MACROD2: variants seen among roughly 807,000 people sequenced by gnomAD.
MACROD2 encodes the protein ADP-ribose glycohydrolase MACROD2.
Under a neutral mutation model 70.4 loss-of-function variants are expected in MACROD2, and 36 were observed. The ratio of observed to expected loss-of-function variants is 0.51; its 90% confidence interval spans 0.39 to 0.68. The LOEUF (loss-of-function observed/expected upper bound fraction) is 0.68, where lower values mean the gene tolerates loss of function less well. Ranked by LOEUF, MACROD2 falls within the 30% of genes least tolerant of loss-of-function variation. MACROD2 has a pLI of 0.00. For synonymous variants in MACROD2, 172 were observed against 178.8 expected, an observed-to-expected ratio of 0.96 and a Z score of 0.30; for missense variants, 496 against 538.4, an observed-to-expected ratio of 0.92 and a Z score of 0.78.
chr20:14,213,926 A>G (rs2081592095), intron 3 of MACROD2, among the ~76,000 whole-genome samples: 1 of 152,124 alleles, frequency 6.6e-6, no homozygotes, highest in African/African-American at 2.4e-5. Flanking sequence ...AAGTGCATTT[A>G]ATGGGAATAT....
At chr20:15,881,426 T>C (rs769620557) in intron 9 of MACROD2, among the ~76,000 whole-genome samples, 16 of 152,080 alleles carry the variant, frequency 1.1e-4, no homozygotes, top group Non-Finnish European at 2.1e-4. Flanking sequence ...ACTGTCCTCA[T>C]GCACTAAGTC....
Position 15,320,093 on chromosome 20 carries a change from A to G in MACROD2, c.540+90032A>G, listed in dbSNP as rs368966354. On this transcript the variant is annotated intron_variant, in intron 6 of 17. Coordinates refer to ENST00000684519, the MANE Select transcript of MACROD2 (RefSeq NM_001351661.2). ...GTGACTCATGCCTGTAATCCCAGCT[A>G]ATCAGGAAGCTGAGGCAGGAGAATC... Among the ~76,000 whole-genome samples, 5 of 152,236 alleles carry G rather than the reference A, an allele frequency of 3.3e-5. No homozygotes were observed. The South Asian group carries it at 6.2e-4, about 19-fold the overall frequency.
At chr20:15,983,671 G>C (rs2066434438) in intron 13 of MACROD2, among the ~76,000 whole-genome samples, 1 of 152,196 alleles carries the variant, frequency 6.6e-6, no homozygotes, top group South Asian at 2.1e-4. Flanking sequence ...TCTCAGAAAA[G>C]AGCTACCACG....
chr20:14,021,722 A>G (rs570156249), intron 2 of MACROD2, among the ~76,000 whole-genome samples: 3 of 152,362 alleles, frequency 2.0e-5, no homozygotes, highest in South Asian at 4.1e-4. Flanking sequence ...CCCTCAAGTT[A>G]AGTGGCTTAA....
chr20:15,028,826 GA>G (rs987113126), intron 5 of MACROD2, among the ~76,000 whole-genome samples: 28 of 151,510 alleles, frequency 1.8e-4, no homozygotes, highest in African/African-American at 3.1e-4. Context: ...AGAATAACTA[GA>G]AAAAAAAATG....
At chr20:15,930,099 A>C (rs1220678256) in intron 10 of MACROD2, among the ~76,000 whole-genome samples, 1 of 152,234 alleles carries the variant, frequency 6.6e-6, no homozygotes, top group African/African-American at 2.4e-5. Context: ...TAAGCTAACA[A>C]AATAGCCTCG....
intron 3 of MACROD2, among the ~76,000 whole-genome samples, chr20:14,340,652 C>A (rs2083003816): frequency 6.6e-6 from 1 of 151,880 alleles, no homozygotes; most frequent in Non-Finnish European, 1.5e-5. Context: ...TAGTTGGGTT[C>A]TAGTAGATAT....
intron 5 of MACROD2, among the ~76,000 whole-genome samples, chr20:15,221,042 A>T (rs775715365): frequency 2.6e-5 from 4 of 152,170 alleles, no homozygotes; most frequent in Non-Finnish European, 5.9e-5. Flanking sequence ...ACATTGACCC[A>T]TCTGCACATT....
At chr20:14,051,630 C>T (rs568507564) in intron 2 of MACROD2, among the ~76,000 whole-genome samples, 7 of 152,116 alleles carry the variant, frequency 4.6e-5, no homozygotes, top group East Asian at 1.9e-4. Flanking sequence ...ATAATAGTAT[C>T]AACCCATCAT....
At chr20:15,145,444 T>C (rs1313978623) in intron 5 of MACROD2, among the ~76,000 whole-genome samples, 2 of 152,184 alleles carry the variant, frequency 1.3e-5, no homozygotes, top group African/African-American at 4.8e-5. Context: ...TATCAGTTAT[T>C]CAAGTGACAC....
intron 5 of MACROD2, among the ~76,000 whole-genome samples, chr20:15,194,225 G>GACA (rs1328166978): frequency 9.3e-6 from 1 of 107,224 alleles, no homozygotes; most frequent in Non-Finnish European, 1.7e-5. Context: ...CAGCCTGGGT[G>GACA]ACAGAGCGAC....
chr20:14,263,536 A>G (rs898809056), intron 3 of MACROD2, among the ~76,000 whole-genome samples: 1 of 152,158 alleles, frequency 6.6e-6, no homozygotes, highest in Non-Finnish European at 1.5e-5. Context: ...GACATCCAGC[A>G]TGAAGCCTCC....
At chr20:16,028,274 G>C (rs969905092) in intron 15 of MACROD2, among the ~76,000 whole-genome samples, 1 of 152,152 alleles carries the variant, frequency 6.6e-6, no homozygotes, top group Admixed American at 6.5e-5. Context: ...CTCGTGGGTG[G>C]GGGATGACTT....
chr20:15,257,213 A>C (rs4814352), intron 6 of MACROD2, among the ~76,000 whole-genome samples: 71,749 of 151,570 alleles, frequency 0.47, 19,524 homozygotes, highest in African/African-American at 0.74. Flanking sequence ...CCAGATGAGA[A>C]AAGCTATGAT....
intron 5 of MACROD2, among the ~76,000 whole-genome samples, chr20:14,781,235 TC>T (rs1350954152): frequency 6.6e-6 from 1 of 151,912 alleles, no homozygotes; most frequent in Non-Finnish European, 1.5e-5. Flanking sequence ...ACCAATCTAC[TC>T]CCTACTTCTA....
chr20:15,718,051 C>T (rs1370186604), intron 8 of MACROD2, among the ~76,000 whole-genome samples: 13 of 141,142 alleles, frequency 9.2e-5, no homozygotes, highest in South Asian at 2.2e-4. Flanking sequence ...GACGGAGTTT[C>T]ACTCTGTCGC....
intron 8 of MACROD2, among the ~76,000 whole-genome samples, chr20:15,694,336 T>C (rs1334059894): frequency 6.6e-6 from 1 of 152,180 alleles, no homozygotes; most frequent in Non-Finnish European, 1.5e-5. Flanking sequence ...TCACCAGCAA[T>C]GTAGAAGTGT....
intron 4 of MACROD2, among the ~76,000 whole-genome samples, chr20:14,638,962 AAAAG>A (rs1418578539): frequency 3.9e-5 from 6 of 152,012 alleles, no homozygotes; most frequent in Admixed American, 1.3e-4. Context: ...AAAAAAAAAA[AAAAG>A]AAAGAATTAA....
chr20:15,898,567 A>C (rs1422839579), intron 10 of MACROD2, among the ~76,000 whole-genome samples: 1 of 151,336 alleles, frequency 6.6e-6, no homozygotes, highest in African/African-American at 2.4e-5. Context: ...AAAAAAAAAA[A>C]AAACAAATTC....
Sources: allele counts gnomAD v4.1 joint callset (sites outside exome capture counted in the v4.1 genomes callset), GRCh38; gene constraint gnomAD v4.1.1; transcripts MANE v1.5; gene names NCBI Gene and HGNC (gene_info 2026-07-23, HGNC 2026-07-21).